RAB38: variants seen among roughly 807,000 people sequenced by gnomAD.
RAB38 encodes ras-related protein Rab-38.
A neutral mutation model predicts 18.4 loss-of-function variants in RAB38; 15 were observed. The ratio of observed to expected loss-of-function variants is 0.82; its 90% CI spans 0.55 to 1.26. The LOEUF is 1.26. Among genes scored for constraint, RAB38 ranks in the 50% most tolerant of loss-of-function variants. The pLI is 0.00. For synonymous variants in RAB38, 101 were observed against 104.4 expected (o/e 0.97, Z 0.20); for missense variants, 294 against 267.4 (o/e 1.10, Z -0.69).
the RAB38 span, among the ~76,000 whole-genome samples, chr11:88,004,518 A>T: frequency 1.3e-5 from 2 of 151,256 alleles, no homozygotes. Context: ...AAGAAACATT[A>T]CACTTATATC....
chr11:87,945,892 T>C, the RAB38 span, among the ~76,000 whole-genome samples: 1 of 152,186 alleles, frequency 6.6e-6, no homozygotes, highest in East Asian at 1.9e-4. Context: ...AAATCTTTGA[T>C]GTGGCAGGCA....
chr11:87,976,306 A>G, the RAB38 span, among the ~76,000 whole-genome samples: 2 of 141,194 alleles, frequency 1.4e-5, no homozygotes, highest in Non-Finnish European at 3.0e-5. Context: ...ACACATATAT[A>G]TACACATATA....
the RAB38 span, among the ~76,000 whole-genome samples, chr11:87,855,634 A>G: frequency 6.6e-6 from 1 of 152,176 alleles, no homozygotes; most frequent in Non-Finnish European, 1.5e-5. Context: ...AATTATTTTT[A>G]AGGATGATAA....
At chr11:88,091,352 C>T in the RAB38 span, among the ~76,000 whole-genome samples, 1 of 152,038 alleles carries the variant, frequency 6.6e-6, no homozygotes. Context: ...ACAGATCTCA[C>T]ATGAGGTGAT....
At chr11:88,027,105 T>G in the RAB38 span, among the ~76,000 whole-genome samples, 1 of 152,202 alleles carries the variant, frequency 6.6e-6, no homozygotes, top group Non-Finnish European at 1.5e-5. Context: ...AACGAAGATT[T>G]TATAGATATT....
At chr11:88,048,219 T>G in the RAB38 span, among the ~76,000 whole-genome samples, 1 of 152,114 alleles carries the variant, frequency 6.6e-6, no homozygotes, top group Non-Finnish European at 1.5e-5. Context: ...GTAGACACTT[T>G]CACTGGATAG....
the RAB38 span, among the ~76,000 whole-genome samples, chr11:87,882,962 C>T: frequency 8.6e-5 from 13 of 152,026 alleles, no homozygotes; most frequent in African/African-American, 3.1e-4. Context: ...TGAGTTCCAA[C>T]ACAGCTATGT....
the RAB38 span, among the ~76,000 whole-genome samples, chr11:88,068,744 T>G: frequency 6.6e-6 from 1 of 152,260 alleles, no homozygotes; most frequent in African/African-American, 2.4e-5. Flanking sequence ...AAGAGAATTG[T>G]GAAATCAAAG....
the RAB38 span, among the ~76,000 whole-genome samples, chr11:88,022,743 C>G: frequency 4.6e-5 from 7 of 151,662 alleles, no homozygotes; most frequent in Non-Finnish European, 8.8e-5. Context: ...TATAGCCATA[C>G]AGTATTCCAT....
chr11:87,976,637 T>C, the RAB38 span, among the ~76,000 whole-genome samples: 1 of 113,670 alleles, frequency 8.8e-6, no homozygotes, highest in Non-Finnish European at 1.7e-5. Flanking sequence ...ATATATATGA[T>C]TTTATATGAT....
At chr11:87,943,343 G>A in the RAB38 span, among the ~76,000 whole-genome samples, 5 of 151,934 alleles carry the variant, frequency 3.3e-5, no homozygotes, top group Non-Finnish European at 1.5e-5. Context: ...ACATGGCTAG[G>A]TTACTTTTTA....
chr11:88,071,531 G>A, the RAB38 span, among the ~76,000 whole-genome samples: 1 of 152,072 alleles, frequency 6.6e-6, no homozygotes, highest in African/African-American at 2.4e-5. Context: ...TGCCACCTAA[G>A]ACACACCACA....
At chr11:87,960,646 T>C in the RAB38 span, among the ~76,000 whole-genome samples, 1 of 152,202 alleles carries the variant, frequency 6.6e-6, no homozygotes, top group Non-Finnish European at 1.5e-5. Context: ...TTACTTGTAC[T>C]CTGTACAAGG....
At chr11:87,952,888 A>G in the RAB38 span, among the ~76,000 whole-genome samples, 14 of 152,312 alleles carry the variant, frequency 9.2e-5, no homozygotes, top group Admixed American at 2.6e-4. Context: ...TCATAAGCTC[A>G]TCAGTCTGAG....
the RAB38 span, among the ~76,000 whole-genome samples, chr11:87,841,411 A>T: frequency 1.3e-5 from 2 of 152,180 alleles, no homozygotes; most frequent in East Asian, 3.9e-4. Context: ...ACCATGACTT[A>T]GCATGAGAAT....
the RAB38 span, among the ~76,000 whole-genome samples, chr11:87,804,731 A>G: frequency 5.9e-5 from 9 of 152,146 alleles, no homozygotes; most frequent in Non-Finnish European, 8.8e-5. Flanking sequence ...TATCTGCTGT[A>G]TACTTCAAAG....
At chr11:87,912,009 T>C in the RAB38 span, among the ~76,000 whole-genome samples, 5 of 151,966 alleles carry the variant, frequency 3.3e-5, no homozygotes, top group Admixed American at 6.6e-5. Context: ...ATGAATTAAA[T>C]GGATTGATTT....
At chr11:87,947,831 C>T in the RAB38 span, among the ~76,000 whole-genome samples, 399 of 152,326 alleles carry the variant, frequency 2.6e-3, 1 homozygote, top group Non-Finnish European at 4.6e-3. Flanking sequence ...AGCGTGATGC[C>T]TCCCAGCTTT....
chr11:87,855,509 T>C, the RAB38 span, among the ~76,000 whole-genome samples: 1 of 152,204 alleles, frequency 6.6e-6, no homozygotes. Context: ...GGAAGTTTTA[T>C]TTAATCTAAA....
Sources: gnomAD v4.1 joint callset for allele counts (sites outside exome capture counted in the v4.1 genomes callset) on GRCh38, gnomAD v4.1.1 for gene constraint, MANE v1.5 for transcripts, NCBI Gene and HGNC (gene_info 2026-07-23, HGNC 2026-07-21) for gene names.